Variants in MXI1 observed in about 807,000 individuals in gnomAD.
MXI1 encodes max-interacting protein 1.
A neutral mutation model predicts 36.9 loss-of-function variants in MXI1; 18 were observed. That is an observed-to-expected ratio of 0.49 (90% confidence interval 0.34 to 0.72). MXI1 has a LOEUF of 0.72. MXI1 is among the 30% of genes least tolerant of loss of function. The pLI is 0.01. For missense variants in MXI1, 304 were observed against 379.1 expected (o/e 0.80, Z 1.64); for synonymous variants, 160 against 146.7 (o/e 1.09, Z -0.65).
intron 1 of MXI1, 189 bp from the exon 2 acceptor site, chr10:110,228,000 C>A: frequency 1.6e-6 from 1 of 608,860 alleles, no homozygotes. Flanking sequence ...AAACACCTTC[C>A]AGCTGGTGGG....
intron 1 of MXI1, chr10:110,227,523 G>C: frequency 2.0e-6 from 2 of 987,058 alleles, no homozygotes; most frequent in Non-Finnish European, 2.4e-6. Flanking sequence ...GAAGCTTGGA[G>C]GGCCCCGGAG....
intron 2 of MXI1, among the ~76,000 whole-genome samples, chr10:110,231,372 C>T (rs1007822167): frequency 2.0e-5 from 3 of 150,526 alleles, no homozygotes; most frequent in Non-Finnish European, 3.0e-5. Context: ...ACCCCCCCCC[C>T]CTCAAAAAAG....
intron 2 of MXI1, among the ~76,000 whole-genome samples, chr10:110,233,178 A>G (rs1310476898): frequency 6.6e-6 from 1 of 152,160 alleles, no homozygotes. Context: ...TCCACTTTCT[A>G]AGATTGAGGA....
At chr10:110,253,482 A>G (rs1337412247) in intron 3 of MXI1, among the ~76,000 whole-genome samples, 1 of 152,070 alleles carries the variant, frequency 6.6e-6, no homozygotes, top group East Asian at 1.9e-4. Context: ...TGCTTTTAAG[A>G]TATTTGTTTA....
chr10:110,216,856 C>A (rs1207765798), intron 1 of MXI1, among the ~76,000 whole-genome samples: 1 of 151,518 alleles, frequency 6.6e-6, no homozygotes, highest in Non-Finnish European at 1.5e-5. Context: ...TCTGTAGATA[C>A]AAGGTTTTGC....
intron 1 of MXI1, chr10:110,226,279 G>C (rs369915050): frequency 2.5e-4 from 372 of 1,496,570 alleles, no homozygotes; most frequent in Non-Finnish European, 3.2e-4. Flanking sequence ...AGCGCCGGGA[G>C]CGAGGTAATG....
chr10:110,278,128 C>T lies in MXI1; in HGVS notation c.438-1052C>T, dbSNP rs12258486. On this transcript the variant is annotated intron_variant, in intron 3 of 5. Transcript: ENST00000332674. ...TTCTTTTCAGATATGCTGTTAACTG[C>T]TGAATTACCTTACCCCTTATGAAAC... is the stretch of plus-strand genomic sequence containing the variant. Among the ~76,000 whole-genome samples the T allele has an allele frequency of 5.2e-3, 786 of 152,312 alleles. 6 individuals are homozygous for T. Among genetic ancestry groups the T allele is most frequent in the African/African-American group, 0.018 (740 of 41,562 alleles).
chr10:110,254,579 C>G (rs780567896), intron 3 of MXI1, among the ~76,000 whole-genome samples: 1 of 152,146 alleles, frequency 6.6e-6, no homozygotes, highest in African/African-American at 2.4e-5. Context: ...AGCTAGATCT[C>G]TTGTGCCAAA....
In MXI1 at chr10:110,244,968, T is replaced by A. The variant is rs534277472; in HGVS notation, c.437+111T>A. On this transcript the variant is annotated intron_variant, in intron 3 of 5. Transcript: ENST00000332674. ...TGTAGTTGTAATTTTATTTTTCAGA[T>A]GTATAGCCCATTGTGAATCTGATAT... The A allele has an allele frequency of 4.7e-6, 5 of 1,062,370 alleles. No homozygotes were observed. The South Asian group carries it at 8.2e-5, about 17-fold the overall frequency. The allele number at this position is 1,062,370 out of a possible 1,614,324, so 65.8% of individuals were successfully genotyped here. A position where few individuals can be genotyped will look rare whatever the true frequency, so the allele number is the denominator to read the frequency against.
chr10:110,225,400 C>T (rs756337981), intron 1 of MXI1, among the ~76,000 whole-genome samples: 3 of 152,178 alleles, frequency 2.0e-5, no homozygotes, highest in Non-Finnish European at 4.4e-5. Flanking sequence ...AACTACTTGT[C>T]TGTGTGGAAG....
intron 1 of MXI1, among the ~76,000 whole-genome samples, chr10:110,212,741 A>G (rs748355929): frequency 6.6e-6 from 1 of 152,182 alleles, no homozygotes; most frequent in Admixed American, 6.5e-5. Context: ...ATCATTGTCA[A>G]ACAACTCAAT....
chr10:110,275,054 T>C (rs949796918), intron 3 of MXI1, among the ~76,000 whole-genome samples: 1 of 149,162 alleles, frequency 6.7e-6, no homozygotes, highest in African/African-American at 2.4e-5. Flanking sequence ...TTTGTATTTT[T>C]AGTAGACACA....
chr10:110,238,780 C>T (rs1855559784), intron 2 of MXI1, among the ~76,000 whole-genome samples: 1 of 151,948 alleles, frequency 6.6e-6, no homozygotes, highest in Non-Finnish European at 1.5e-5. Context: ...CTTCTTGAGT[C>T]AGTTTTGATC....
In MXI1 at chr10:110,252,079, A is replaced by C. The variant is rs572621948; in HGVS notation, c.437+7222A>C. ...GGGAGACCAGTTTGGATGCTTTCTG[A>C]AGTAGTCCATATAATAAAAAGATAT... On this transcript the variant is annotated intron_variant, in intron 3 of 5. Transcript: ENST00000332674. Among the ~76,000 whole-genome samples the C allele has an allele frequency of 5.9e-5, 9 of 152,280 alleles. No individual in the cohort carries two copies. The South Asian group carries it at 1.2e-3, about 21-fold the overall frequency.
intron 2 of MXI1, among the ~76,000 whole-genome samples, chr10:110,243,521 A>C (rs1328420282): frequency 6.6e-6 from 1 of 152,080 alleles, no homozygotes; most frequent in Non-Finnish European, 1.5e-5. Context: ...ATATCCATTG[A>C]AATAATCAGA....
At chr10:110,258,353 A>G (rs1359340823) in intron 3 of MXI1, among the ~76,000 whole-genome samples, 1 of 152,144 alleles carries the variant, frequency 6.6e-6, no homozygotes, top group Admixed American at 6.6e-5. Flanking sequence ...GGGCTGAATT[A>G]TAGAGGGTTA....
At chr10:110,218,999 C>T (rs1854727393) in intron 1 of MXI1, among the ~76,000 whole-genome samples, 1 of 152,214 alleles carries the variant, frequency 6.6e-6, no homozygotes, top group Non-Finnish European at 1.5e-5. Context: ...AACAAGGGAT[C>T]TTAAATATAA....
intron 2 of MXI1, among the ~76,000 whole-genome samples, chr10:110,242,685 G>T (rs950035605): frequency 6.6e-6 from 1 of 151,990 alleles, no homozygotes; most frequent in Non-Finnish European, 1.5e-5. Context: ...TTTGTTCACA[G>T]CAGTGGGTCA....
intron 3 of MXI1, among the ~76,000 whole-genome samples, chr10:110,264,389 T>A (rs1328683308): frequency 1.3e-5 from 2 of 149,260 alleles, no homozygotes; most frequent in East Asian, 3.9e-4. Context: ...TTTTTTGAGA[T>A]GGAGTCTCGC....
Sources: gnomAD v4.1 joint callset for allele counts (sites outside exome capture counted in the v4.1 genomes callset) on GRCh38, gnomAD v4.1.1 for gene constraint, MANE v1.5 for transcripts, NCBI Gene and HGNC (gene_info 2026-07-23, HGNC 2026-07-21) for gene names.